PRELID2: variants seen among roughly 807,000 people sequenced by gnomAD.
The protein encoded by PRELID2 is PRELI domain-containing protein 2.
A neutral mutation model predicts 28.4 loss-of-function variants in PRELID2; 25 were observed. The ratio of observed to expected loss-of-function variants is 0.88; its 90% CI spans 0.64 to 1.23. The LOEUF (loss-of-function observed/expected upper bound fraction) is 1.23, where lower values mean the gene tolerates loss of function less well. Ranked by LOEUF, PRELID2 falls within the 50% of genes most tolerant of loss-of-function variation. The pLI is 0.00. For synonymous variants in PRELID2, 76 were observed against 71.6 expected (o/e 1.06, Z -0.31); for missense variants, 201 against 214.4 (o/e 0.94, Z 0.39).
the PRELID2 span, among the ~76,000 whole-genome samples, chr5:145,308,533 T>C: frequency 6.6e-6 from 1 of 152,234 alleles, no homozygotes; most frequent in Non-Finnish European, 1.5e-5. Context: ...GAAATTAATG[T>C]GAATTTAATT....
At chr5:145,246,780 A>G in the PRELID2 span, among the ~76,000 whole-genome samples, 1 of 150,138 alleles carries the variant, frequency 6.7e-6, no homozygotes, top group East Asian at 1.9e-4. Flanking sequence ...AACCAACTCC[A>G]TCTTGCTTCT....
intron 1 of PRELID2, among the ~76,000 whole-genome samples, chr5:145,740,868 C>A (rs1197398869): frequency 4.1e-5 from 2 of 48,204 alleles, no homozygotes; most frequent in African/African-American, 7.9e-5. Flanking sequence ...ATATATTTAT[C>A]GATAAATATA....
rs1488321782 is a variant in PRELID2 at position 145,760,271 on chromosome 5, G to A, written c.*265C>T. ...TACATGGTTCTTTTTTCCTTTATTT[G>A]TAAAATTATAAAGAGATTGTGTCAT... On this transcript the variant is annotated 3_prime_UTR_variant, in exon 7 of 7. Transcript: ENST00000683046. The A allele has an allele frequency of 6.6e-6, 1 of 151,980 alleles. No individual in the cohort carries two copies. The highest frequency in any genetic ancestry group is 1.5e-5 in the Non-Finnish European group (1 of 67,992). 9.4% of individuals were successfully genotyped at this position (151,980 alleles called of 1,614,324 possible).
chr5:145,355,460 A>G, the PRELID2 span, among the ~76,000 whole-genome samples: 83 of 152,306 alleles, frequency 5.4e-4, no homozygotes, highest in Admixed American at 4.5e-3. Flanking sequence ...TCATAATAAG[A>G]TGACCCTGCT....
the PRELID2 span, among the ~76,000 whole-genome samples, chr5:145,425,128 C>T: frequency 5.8e-4 from 88 of 151,930 alleles, no homozygotes; most frequent in Non-Finnish European, 1.2e-3. Flanking sequence ...CAAAAGAAGA[C>T]ATACGTATGG....
intron 1 of PRELID2, among the ~76,000 whole-genome samples, chr5:145,495,517 T>C (rs1234363561): frequency 1.3e-5 from 2 of 152,166 alleles, no homozygotes; most frequent in Non-Finnish European, 2.9e-5. Flanking sequence ...TTGGCTTCCC[T>C]CAAGGAAACA....
chr5:145,502,980 G>A (rs972260550), intron 1 of PRELID2, among the ~76,000 whole-genome samples: 2 of 152,204 alleles, frequency 1.3e-5, no homozygotes, highest in East Asian at 3.9e-4. Flanking sequence ...GGGCAGCTAT[G>A]AACCACACAG....
the PRELID2 span, among the ~76,000 whole-genome samples, chr5:145,401,736 A>C: frequency 1.3e-5 from 2 of 152,060 alleles, no homozygotes; most frequent in Non-Finnish European, 2.9e-5. Context: ...CTAAAGTAGC[A>C]ATTTGTGTTT....
intron 1 of PRELID2, among the ~76,000 whole-genome samples, chr5:145,554,646 G>T (rs1264680262): frequency 6.6e-6 from 1 of 152,188 alleles, no homozygotes; most frequent in African/African-American, 2.4e-5. Flanking sequence ...TGTGTAATAG[G>T]GCTGTGTTGT....
chr5:145,377,947 C>G, the PRELID2 span, among the ~76,000 whole-genome samples: 16 of 152,004 alleles, frequency 1.1e-4, no homozygotes, highest in Non-Finnish European at 2.1e-4. Context: ...TTTATAGTAT[C>G]ACTGGTCTTC....
At chr5:145,374,553 T>G in the PRELID2 span, among the ~76,000 whole-genome samples, 3 of 152,156 alleles carry the variant, frequency 2.0e-5, no homozygotes, top group Non-Finnish European at 4.4e-5. Context: ...GAAGTTTCCC[T>G]GGTTAATATC....
At chr5:145,770,313 C>T (rs1036679559) in intron 5 of PRELID2, among the ~76,000 whole-genome samples, 3 of 151,608 alleles carry the variant, frequency 2.0e-5, no homozygotes, top group South Asian at 2.1e-4. Flanking sequence ...GCCAGGAGTT[C>T]GAGACCAGCT....
intron 5 of PRELID2, among the ~76,000 whole-genome samples, chr5:145,784,807 AC>A: frequency 6.6e-6 from 1 of 151,428 alleles, no homozygotes; most frequent in African/African-American, 2.4e-5. Flanking sequence ...TTTTAAAAAA[AC>A]ATACATATAC....
At chr5:145,589,660 C>T (rs1413041663) in intron 1 of PRELID2, among the ~76,000 whole-genome samples, 1 of 151,918 alleles carries the variant, frequency 6.6e-6, no homozygotes, top group Non-Finnish European at 1.5e-5. Context: ...CTTTTCTGGC[C>T]TCATTGATTA....
chr5:145,813,243 C>T (rs1358516808), intron 4 of PRELID2, among the ~76,000 whole-genome samples: 2 of 152,216 alleles, frequency 1.3e-5, no homozygotes, highest in Non-Finnish European at 2.9e-5. Context: ...CTAGCCATTA[C>T]TCTCAGATTT....
intron 1 of PRELID2, among the ~76,000 whole-genome samples, chr5:145,527,941 G>T (rs181431300): frequency 1.2e-3 from 182 of 152,020 alleles, no homozygotes; most frequent in African/African-American, 4.3e-3. Context: ...GCTTCTTCTT[G>T]CCCTGTTGTC....
At chr5:145,309,810 T>C in the PRELID2 span, among the ~76,000 whole-genome samples, 2 of 152,104 alleles carry the variant, frequency 1.3e-5, no homozygotes, top group Non-Finnish European at 2.9e-5. Flanking sequence ...GAAATATGAC[T>C]CCAACACCCA....
chr5:145,470,149 G>A (rs1053970589), downstream of PRELID2, among the ~76,000 whole-genome samples: 1 of 152,144 alleles, frequency 6.6e-6, no homozygotes, highest in African/African-American at 2.4e-5. Context: ...GAGATTGGCT[G>A]ACTTTTCGTC....
the PRELID2 span, among the ~76,000 whole-genome samples, chr5:145,457,490 T>C: frequency 6.6e-6 from 1 of 152,168 alleles, no homozygotes; most frequent in African/African-American, 2.4e-5. Context: ...TGATTATGTA[T>C]CAGTCTACAC....
Sources: allele counts gnomAD v4.1 joint callset (sites outside exome capture counted in the v4.1 genomes callset), GRCh38; gene constraint gnomAD v4.1.1; transcripts MANE v1.5; gene names NCBI Gene and HGNC (gene_info 2026-07-23, HGNC 2026-07-21).